The following RXYLT1 variants were observed in gnomAD, a reference collection of about 807,000 sequenced individuals.
The protein encoded by RXYLT1 is ribitol xylosyltransferase 1.
In RXYLT1, 41 loss-of-function variants were observed where a neutral mutation model predicts 43.5. That is an observed-to-expected ratio of 0.94 (90% confidence interval 0.73 to 1.22). RXYLT1 has a LOEUF of 1.22. RXYLT1 is among the 50% of genes most tolerant of loss of function. The pLI is 0.00. For missense variants in RXYLT1, 514 were observed against 532.0 expected, an observed-to-expected ratio of 0.97 and a Z score of 0.33; for synonymous variants, 166 against 194.4, an observed-to-expected ratio of 0.85 and a Z score of 1.21.
chr12:63,797,803 T>C (rs917488883), intron 3 of RXYLT1, among the ~76,000 whole-genome samples: 1 of 152,036 alleles, frequency 6.6e-6, no homozygotes, highest in Admixed American at 6.6e-5. Context: ...AGTAGGAGAT[T>C]GGAAGTATCC....
Position 63,803,972 on chromosome 12 carries a change from G to C in RXYLT1, c.744-1262G>C, listed in dbSNP as rs1565906663. The C allele has an allele frequency of 2.0e-5, 3 of 151,158 alleles. No homozygotes were observed. The Admixed American group carries it at 2.0e-4, about 10-fold the overall frequency. 9.4% of individuals were successfully genotyped at this position (151,158 alleles called of 1,614,324 possible). ...AGGTTCTAGCCATTCTCCTGCCTCA[G>C]CCTCCCAAGTAGCTGGGATTACAGG... On this transcript the variant is annotated intron_variant, in intron 4 of 5. Coordinates refer to ENST00000261234, the MANE Select transcript of RXYLT1 (RefSeq NM_014254.3).
At chr12:63,805,558 G>T in intron 5 of RXYLT1, 154 bp downstream of exon 5, 1 of 689,398 alleles carries the variant, frequency 1.5e-6, no homozygotes, top group Non-Finnish European at 2.2e-6. Flanking sequence ...TGAAAAGACT[G>T]GGTTGTACAC....
At chr12:63,793,950 GA>G (rs1187818690) in intron 3 of RXYLT1, among the ~76,000 whole-genome samples, 1 of 152,162 alleles carries the variant, frequency 6.6e-6, no homozygotes, top group Non-Finnish European at 1.5e-5. Context: ...CTTAATAAGA[GA>G]AATGCCGTTG....
At chr12:63,802,531 T>C (rs1165887628) in intron 4 of RXYLT1, 126 bp downstream of exon 4, 1 of 837,234 alleles carries the variant, frequency 1.2e-6, no homozygotes, top group Non-Finnish European at 1.7e-6. Flanking sequence ...ACAGTCTTTC[T>C]CAGAGATAAA....
At position 63,802,316 on chromosome 12, in the gene RXYLT1, T is replaced by G. The variant is rs1337697139; in HGVS notation, c.654T>G (p.Asn218Lys). ...NEWINPFLKR[N>K]GGFVELLFII... ...GGATAAACCCATTCCTCAAAAGAAA[T>G]GGAGGCTTCGTGGAGCTGCTTTTCA... is the stretch of plus-strand genomic sequence containing the variant. Residue 218 changes from asparagine to lysine, a missense_variant, in exon 4 of 6, where the codon AAT becomes AAG. By Grantham distance (94) the Asn-to-Lys change is moderately conservative. Transcript: ENST00000261234. The G allele has an allele frequency of 1.1e-5, 17 of 1,613,028 alleles. No individual in the cohort carries two copies. Among genetic ancestry groups the G allele is most frequent in the Non-Finnish European group, 1.4e-5 (17 of 1,179,134 alleles).
chr12:63,784,924 T>G, intron 2 of RXYLT1, 46 bp from the exon 3 acceptor site: 2 of 1,520,352 alleles, frequency 1.3e-6, no homozygotes, highest in Non-Finnish European at 1.8e-6. Context: ...CTAAAGTAGA[T>G]GAGACAGTAA....
At chr12:63,804,000 G>A (rs4762999) in intron 4 of RXYLT1, 5,539 of 151,862 alleles carry the variant, frequency 0.036, 344 homozygotes, top group East Asian at 0.28. Context: ...ATTACAGGTG[G>A]GCATCACCAC....
chr12:63,797,470 A>G (rs1898061245), intron 3 of RXYLT1, among the ~76,000 whole-genome samples: 1 of 152,154 alleles, frequency 6.6e-6, no homozygotes, highest in African/African-American at 2.4e-5. Flanking sequence ...GGCAGAAAAA[A>G]GATTATATTC....
chr12:63,809,142 G>A lies in RXYLT1; in HGVS notation c.*50G>A. 8.0e-7 allele frequency: 1 copy of A among 1,251,672 alleles called. No homozygotes were observed. Among genetic ancestry groups the A allele is most frequent in the Non-Finnish European group, 1.1e-6 (1 of 912,606 alleles). The allele number at this position is 1,251,672 out of a possible 1,614,324, so 77.5% of individuals were successfully genotyped here. A position where few individuals can be genotyped will look rare whatever the true frequency, so the allele number is the denominator to read the frequency against. On this transcript the variant is annotated 3_prime_UTR_variant, in exon 6 of 6. Coordinates refer to ENST00000261234, the MANE Select transcript of RXYLT1 (RefSeq NM_014254.3). ...TTTTTAAAATCATTTTGACTACTGG[G>A]TGTATAAATGTGTTTGTGTGTGTAT...
Position 63,805,226 on chromosome 12 carries a change from T to G in RXYLT1, c.744-8T>G. 6.3e-7 allele frequency: 1 copy of G among 1,586,560 alleles called. No homozygotes were observed. Among genetic ancestry groups the G allele is most frequent in the Non-Finnish European group, 8.5e-7 (1 of 1,170,470 alleles). ...CATATGTTAATTCATGTGTATTTAT[T>G]TTTATAGATACAGGAATTTTCCTGT... On this transcript the variant is annotated splice_polypyrimidine_tract_variant and splice_region_variant and intron_variant, in intron 4 of 5. Coordinates refer to ENST00000261234, the MANE Select transcript of RXYLT1 (RefSeq NM_014254.3).
chr12:63,801,212 C>T (rs527586150), intron 3 of RXYLT1, among the ~76,000 whole-genome samples: 1 of 151,894 alleles, frequency 6.6e-6, no homozygotes, highest in South Asian at 2.1e-4. Context: ...ACTGTACTTT[C>T]AAGTTTATGT....
Position 63,809,244 on chromosome 12 carries a change from G to A in RXYLT1, c.*152G>A, listed in dbSNP as rs1429914858. On this transcript the variant is annotated 3_prime_UTR_variant, in exon 6 of 6. Transcript: ENST00000261234. Reference sequence around the variant, plus strand: ...CCACATAATGACATTTCAGTCAGTGGTAGACTACATATATGATAGTGGTCC... The same window carrying A: ...CCACATAATGACATTTCAGTCAGTGATAGACTACATATATGATAGTGGTCC... 3 of 602,648 alleles carry A rather than the reference G, an allele frequency of 5.0e-6. No homozygotes were observed. The highest frequency in any genetic ancestry group is 8.3e-6 in the Non-Finnish European group (3 of 360,810). 37.3% of individuals were successfully genotyped at this position (602,648 alleles called of 1,614,324 possible). A position where few individuals can be genotyped will look rare whatever the true frequency, so the allele number is the denominator to read the frequency against.
chr12:63,796,687 A>G (rs961273176), intron 3 of RXYLT1, among the ~76,000 whole-genome samples: 3 of 152,232 alleles, frequency 2.0e-5, no homozygotes, highest in African/African-American at 7.2e-5. Context: ...AATATGATGA[A>G]TTATTTTGGA....
Position 63,785,035 on chromosome 12 carries a change from A to C in RXYLT1, c.391A>C (p.Arg131=). Residue 131 remains arginine (R), a synonymous_variant, in exon 3 of 6, where the codon AGA becomes CGA. Coordinates refer to ENST00000261234, the MANE Select transcript of RXYLT1 (RefSeq NM_014254.3). ...TCCCAGCGATGTGACTGCTCAATGG[A>C]GAGAAGGAAAGTCAATCGTAGGAAG... The part of the protein sequence containing the change: ...LDPSDVTAQW[R]EGKSIVGRTQ... 6.2e-7 allele frequency: 1 copy of C among 1,613,878 alleles called. No individual in the cohort carries two copies. Among genetic ancestry groups the C allele is most frequent in the South Asian group, 1.1e-5 (1 of 91,076 alleles).
chr12:63,796,704 A>C lies in RXYLT1; in HGVS notation c.429-5387A>C, dbSNP rs138781276. 4.7e-4 allele frequency among the ~76,000 whole-genome samples: 72 copies of C among 152,320 alleles called. 1 individual carries two copies. The East Asian group carries it at 0.013, about 29-fold the overall frequency. On this transcript the variant is annotated intron_variant, in intron 3 of 5. Transcript: ENST00000261234. Reference sequence around the variant, plus strand: ...TATGATGAATTATTTTGGAACAAAGAATTAAATTGTTTGTTATATGCAAAT... The same window carrying C: ...TATGATGAATTATTTTGGAACAAAGCATTAAATTGTTTGTTATATGCAAAT...
chr12:63,789,183 T>C (rs1308284063), intron 3 of RXYLT1, among the ~76,000 whole-genome samples: 1 of 152,162 alleles, frequency 6.6e-6, no homozygotes, highest in Non-Finnish European at 1.5e-5. Flanking sequence ...TTATTAATTA[T>C]AGGGAACACT....
At chr12:63,780,482 A>G in intron 1 of RXYLT1, 2 of 1,104,982 alleles carry the variant, frequency 1.8e-6, no homozygotes, top group Non-Finnish European at 2.2e-6. Flanking sequence ...ATCCGTTTCC[A>G]TGTTGAAACA....
chr12:63,804,575 G>A (rs544102889), intron 4 of RXYLT1: 2 of 151,884 alleles, frequency 1.3e-5, no homozygotes, highest in East Asian at 1.9e-4. Context: ...ATGATAATGG[G>A]GTACAAATGA....
At chr12:63,783,173 C>CGCAT (rs1897723589) in intron 2 of RXYLT1, among the ~76,000 whole-genome samples, 1 of 152,290 alleles carries the variant, frequency 6.6e-6, no homozygotes, top group East Asian at 1.9e-4. Flanking sequence ...TTCTTTAATA[C>CGCAT]GCATATTCTA....
Sources: gnomAD v4.1 joint callset for allele counts (sites outside exome capture counted in the v4.1 genomes callset) on GRCh38, gnomAD v4.1.1 for gene constraint, MANE v1.5 for transcripts, NCBI Gene and HGNC (gene_info 2026-07-23, HGNC 2026-07-21) for gene names.